Variants in RPS6KB1 observed in about 807,000 individuals in gnomAD.
RPS6KB1 encodes ribosomal protein S6 kinase B1.
In RPS6KB1, 12 loss-of-function variants were observed where a neutral mutation model predicts 70.2. The ratio of observed to expected loss-of-function variants is 0.17; its 90% confidence interval spans 0.11 to 0.28. The LOEUF (loss-of-function observed/expected upper bound fraction) is 0.28, where lower values mean the gene tolerates loss of function less well. RPS6KB1 is among the 10% of genes least tolerant of loss of function. RPS6KB1 has a pLI of 1.00. For synonymous variants in RPS6KB1, 175 were observed against 211.2 expected, an observed-to-expected ratio of 0.83 and a Z score of 1.49; for missense variants, 270 against 646.6, an observed-to-expected ratio of 0.42 and a Z score of 6.32.
At chr17:59,899,407 C>T (rs565325930) in intron 1 of RPS6KB1, among the ~76,000 whole-genome samples, 3 of 152,214 alleles carry the variant, frequency 2.0e-5, no homozygotes, top group South Asian at 2.1e-4. Context: ...CATTATAGGT[C>T]TGGCCAGCTT....
intron 1 of RPS6KB1, among the ~76,000 whole-genome samples, chr17:59,903,151 C>T (rs186768374): frequency 1.3e-5 from 2 of 151,860 alleles, no homozygotes; most frequent in African/African-American, 4.8e-5. Context: ...ACTAAAAATA[C>T]AAAAATTAGC....
chr17:59,925,118 ACTG>A, intron 4 of RPS6KB1, among the ~76,000 whole-genome samples: 1 of 152,186 alleles, frequency 6.6e-6, no homozygotes. Context: ...GGCGTGAGCC[ACTG>A]CGCCCGGCTG....
intron 1 of RPS6KB1, among the ~76,000 whole-genome samples, chr17:59,909,245 T>TGAGA (rs2042472176): frequency 8.4e-5 from 1 of 11,868 alleles, no homozygotes; most frequent in African/African-American, 7.2e-4. Flanking sequence ...TTTTTTTTTT[T>TGAGA]TTTTTTTTTT....
chr17:59,931,820 A>C (rs182840950), intron 7 of RPS6KB1, 98 bp downstream of exon 7: 2 of 722,694 alleles, frequency 2.8e-6, no homozygotes, highest in East Asian at 2.7e-5. Flanking sequence ...TCATCTCTCT[A>C]TTTTGTATAT....
At chr17:59,945,287 T>C in intron 13 of RPS6KB1, 119 bp from the exon 14 acceptor site, 1 of 598,070 alleles carries the variant, frequency 1.7e-6, no homozygotes, top group South Asian at 2.1e-5. Context: ...CGTGGGAGAG[T>C]GTACACATTG....
At chr17:59,901,105 G>A (rs2144687995) in intron 1 of RPS6KB1, among the ~76,000 whole-genome samples, 1 of 151,724 alleles carries the variant, frequency 6.6e-6, no homozygotes. Flanking sequence ...AGTTTCCCAT[G>A]AGCCGAGATT....
rs369943341 is a variant in RPS6KB1 at position 59,893,301 on chromosome 17, C to G, written c.117C>G (p.Gly39=). Residue 39 remains glycine (G), a synonymous_variant, in exon 1 of 15, where the codon GGC becomes GGG. Coordinates refer to ENST00000225577, the MANE Select transcript of RPS6KB1 (RefSeq NM_003161.4). This position sits in a 1 kb window ranked among gnomAD's most constrained non-coding sequence, Gnocchi z 4.1. The part of the protein sequence containing the change: ...DIDLDQPEDA[G]SEDELEEGGQ... ...ACCTGGACCAGCCAGAGGACGCGGG[C>G]TCTGAGGATGAGCTGGAGGAGGGGG... 6.2e-7 allele frequency: 1 copy of G among 1,610,788 alleles called. No individual in the cohort carries two copies. The highest frequency in any genetic ancestry group is 1.3e-5 in the African/African-American group (1 of 74,866).
chr17:59,896,790 T>G (rs2144653774), intron 1 of RPS6KB1, among the ~76,000 whole-genome samples: 1 of 152,180 alleles, frequency 6.6e-6, no homozygotes, highest in African/African-American at 2.4e-5. Context: ...CTTTTTGGAG[T>G]TGAAAATATT....
intron 7 of RPS6KB1, among the ~76,000 whole-genome samples, chr17:59,932,016 T>C (rs959193548): frequency 3.9e-5 from 6 of 152,320 alleles, no homozygotes; most frequent in African/African-American, 1.4e-4. Context: ...TATAATGTTT[T>C]AGACTGTAAA....
At chr17:59,920,329 A>G (rs746823499) in intron 4 of RPS6KB1, among the ~76,000 whole-genome samples, 2 of 152,074 alleles carry the variant, frequency 1.3e-5, no homozygotes, top group African/African-American at 2.4e-5. Flanking sequence ...CCACTGTCTT[A>G]AAACAAAAGT....
intron 9 of RPS6KB1, 106 bp from the exon 10 acceptor site, chr17:59,935,087 A>G: frequency 1.5e-6 from 1 of 649,518 alleles, no homozygotes; most frequent in South Asian, 2.0e-5. Context: ...TCTGATCTCC[A>G]TGTATAACTA....
At chr17:59,908,680 G>A (rs1329793183) in intron 1 of RPS6KB1, among the ~76,000 whole-genome samples, 5 of 136,938 alleles carry the variant, frequency 3.7e-5, no homozygotes, top group East Asian at 2.2e-4. Context: ...GTGCAGTGGC[G>A]CGATCTCGGC....
chr17:59,900,883 C>T (rs1266348651), intron 1 of RPS6KB1, among the ~76,000 whole-genome samples: 4 of 151,492 alleles, frequency 2.6e-5, no homozygotes, highest in Admixed American at 6.6e-5. Flanking sequence ...ACCACTCGGC[C>T]GGGCGCAGTG....
chr17:59,916,652 G>A lies in RPS6KB1; in HGVS notation c.381+1949G>A, dbSNP rs146358783. On this transcript the variant is annotated intron_variant, in intron 4 of 14. Coordinates refer to ENST00000225577, the MANE Select transcript of RPS6KB1 (RefSeq NM_003161.4). ...CCACCTGTTCCCATCTGGAGTGGTA[G>A]CTCTTTAGTCACAACTGTTATGACT... is the stretch of plus-strand genomic sequence containing the variant. Among the ~76,000 whole-genome samples the A allele has an allele frequency of 3.6e-3, 554 of 152,266 alleles. 2 individuals are homozygous for A. The highest frequency in any genetic ancestry group is 5.2e-3 in the Non-Finnish European group (357 of 68,028).
chr17:59,899,202 CT>C, intron 1 of RPS6KB1, among the ~76,000 whole-genome samples: 1 of 140,754 alleles, frequency 7.1e-6, no homozygotes, highest in African/African-American at 2.7e-5. Flanking sequence ...AAGACTTCGT[CT>C]CAGAAAAAAA....
At chr17:59,930,021 T>C (rs2043846810) in intron 5 of RPS6KB1, 96 bp from the exon 6 acceptor site, 1 of 724,258 alleles carries the variant, frequency 1.4e-6, no homozygotes, top group Non-Finnish European at 2.4e-6. Flanking sequence ...TGATGTCTTT[T>C]AATTATGGTT....
At chr17:59,920,148 G>C (rs1010984887) in intron 4 of RPS6KB1, among the ~76,000 whole-genome samples, 1 of 151,406 alleles carries the variant, frequency 6.6e-6, no homozygotes. Context: ...CTCCTGAGTA[G>C]CTGGGATTAC....
At chr17:59,918,939 C>T (rs1474058757) in intron 4 of RPS6KB1, among the ~76,000 whole-genome samples, 1 of 147,254 alleles carries the variant, frequency 6.8e-6, no homozygotes. Context: ...TCAAGCGATT[C>T]TTGTGCCTCA....
intron 4 of RPS6KB1, among the ~76,000 whole-genome samples, chr17:59,917,368 G>A (rs575236045): frequency 3.1e-4 from 47 of 151,996 alleles, no homozygotes; most frequent in South Asian, 1.7e-3. Flanking sequence ...CACCCGCCTC[G>A]GCCACCCAAA....
Sources: allele counts gnomAD v4.1 joint callset (sites outside exome capture counted in the v4.1 genomes callset), GRCh38; gene constraint gnomAD v4.1.1; non-coding constraint Gnocchi (gnomAD v3.1); transcripts MANE v1.5; gene names NCBI Gene and HGNC (gene_info 2026-07-23, HGNC 2026-07-21).